The following DNAJC15 variants were observed in gnomAD, a reference collection of about 807,000 sequenced individuals.
DNAJC15 encodes the protein DnaJ heat shock protein family (Hsp40) member C15.
Under a neutral mutation model 22.4 loss-of-function variants are expected in DNAJC15, and 27 were observed. That is an observed-to-expected ratio of 1.20 (90% CI 0.89 to 1.66). The LOEUF is 1.66. Among genes scored for constraint, DNAJC15 ranks in the 40% most tolerant of loss-of-function variants. The probability of loss-of-function intolerance (pLI) is 0.00; values close to 1 mark genes in which losing one functional copy is unlikely to be tolerated. For synonymous variants in DNAJC15, 79 were observed against 63.2 expected (o/e 1.25, Z -1.19); for missense variants, 208 against 187.1 (o/e 1.11, Z -0.65).
chr13:43,060,115 T>C (rs2040551430), intron 1 of DNAJC15, among the ~76,000 whole-genome samples: 1 of 152,144 alleles, frequency 6.6e-6, no homozygotes, highest in Non-Finnish European at 1.5e-5. Context: ...TGTCTTCTTA[T>C]ATTAATAAGA....
At chr13:43,103,146 C>T (rs58179527) in intron 5 of DNAJC15, among the ~76,000 whole-genome samples, 8,867 of 152,134 alleles carry the variant, frequency 0.058, 759 homozygotes, top group African/African-American at 0.18. Flanking sequence ...TCTTCCTTGA[C>T]GCATGAGTTA....
chr13:43,079,459 C>A (rs1165292203), intron 4 of DNAJC15, among the ~76,000 whole-genome samples: 2 of 151,882 alleles, frequency 1.3e-5, no homozygotes, highest in South Asian at 2.1e-4. Flanking sequence ...GCAGAAAAAA[C>A]AAGAGTTGGG....
rs2040816504 is a variant in DNAJC15, at chr13:43,109,872, TAAA to T, written c.*2628_*2630del. 6.6e-6 allele frequency: 1 copy of T among 152,098 alleles called. No individual in the cohort carries two copies. Among genetic ancestry groups the T allele is most frequent in the Non-Finnish European group, 1.5e-5 (1 of 68,004 alleles). 9.4% of individuals were successfully genotyped at this position (152,098 alleles called of 1,614,324 possible). A position where few individuals can be genotyped will look rare whatever the true frequency, so the allele number is the denominator to read the frequency against. On this transcript the variant is annotated 3_prime_UTR_variant, in exon 6 of 6. Coordinates refer to ENST00000379221, the MANE Select transcript of DNAJC15 (RefSeq NM_013238.3). ...CTTAAAGTATAATAAAAAGAAATTT[TAAA>T]AAATCCTGTCAAATAAGGTTATAGT...
intron 5 of DNAJC15, among the ~76,000 whole-genome samples, chr13:43,106,591 CATT>C (rs1290552315): frequency 1.3e-5 from 2 of 151,988 alleles, no homozygotes; most frequent in African/African-American, 2.4e-5. Context: ...AATTTTTTGA[CATT>C]ATTTTTATCT....
intron 1 of DNAJC15, among the ~76,000 whole-genome samples, chr13:43,031,476 G>A (rs562280112): frequency 4.6e-5 from 7 of 152,322 alleles, no homozygotes; most frequent in African/African-American, 1.7e-4. Context: ...CCTCAGCAGC[G>A]GAGATCCTGT....
chr13:43,099,881 T>C (rs1405824067), intron 5 of DNAJC15, among the ~76,000 whole-genome samples: 3 of 152,148 alleles, frequency 2.0e-5, no homozygotes, highest in Non-Finnish European at 4.4e-5. Context: ...ATAAGATATA[T>C]TGATCAGTAG....
chr13:43,046,198 C>T (rs1186360658), intron 1 of DNAJC15, among the ~76,000 whole-genome samples: 1 of 150,810 alleles, frequency 6.6e-6, no homozygotes, highest in Non-Finnish European at 1.5e-5. Context: ...GACATAAGGT[C>T]CTAACTTTAT....
intron 1 of DNAJC15, among the ~76,000 whole-genome samples, chr13:43,040,285 C>G (rs777448364): frequency 2.6e-5 from 4 of 152,174 alleles, no homozygotes; most frequent in Middle Eastern, 3.2e-3. Flanking sequence ...CTAACAAATT[C>G]GTTTCAAATG....
chr13:43,057,054 A>G (rs914896147), intron 1 of DNAJC15, among the ~76,000 whole-genome samples: 2 of 152,170 alleles, frequency 1.3e-5, no homozygotes, highest in Non-Finnish European at 2.9e-5. Flanking sequence ...TCTTTCCTTC[A>G]TCTTGACTTT....
chr13:43,061,122 T>C (rs561876842), intron 1 of DNAJC15, among the ~76,000 whole-genome samples: 20 of 152,222 alleles, frequency 1.3e-4, no homozygotes, highest in African/African-American at 4.8e-4. Flanking sequence ...GGCGGGCTAG[T>C]GGCTTGTAAC....
chr13:43,062,879 C>T (rs1466135586), intron 1 of DNAJC15, among the ~76,000 whole-genome samples: 3 of 151,856 alleles, frequency 2.0e-5, no homozygotes, highest in African/African-American at 4.8e-5. Context: ...CCACCATGCC[C>T]GGCTAATTTT....
At chr13:43,051,647 G>A (rs2040504079) in intron 1 of DNAJC15, among the ~76,000 whole-genome samples, 1 of 132,042 alleles carries the variant, frequency 7.6e-6, no homozygotes, top group Non-Finnish European at 1.6e-5. Context: ...GTGTGTGTGT[G>A]TGTGTGTGTG....
intron 5 of DNAJC15, among the ~76,000 whole-genome samples, chr13:43,089,557 G>GT (rs2040704693): frequency 6.6e-6 from 1 of 152,176 alleles, no homozygotes; most frequent in African/African-American, 2.4e-5. Context: ...CTGAGGGAGT[G>GT]TGCTTAAGGA....
intron 5 of DNAJC15, among the ~76,000 whole-genome samples, chr13:43,086,404 G>A (rs2040688670): frequency 6.6e-6 from 1 of 151,972 alleles, no homozygotes; most frequent in Non-Finnish European, 1.5e-5. Context: ...TATGTTCATT[G>A]CTGTTTCTGC....
At chr13:43,075,673 C>T (rs1057200619) in intron 3 of DNAJC15, among the ~76,000 whole-genome samples, 6 of 152,164 alleles carry the variant, frequency 3.9e-5, no homozygotes, top group South Asian at 2.1e-4. Context: ...CTCTAAGTCC[C>T]TCGTTTTTTG....
At chr13:43,107,079 G>A in intron 5 of DNAJC15, 99 bp from the exon 6 acceptor site, 7 of 927,382 alleles carry the variant, frequency 7.5e-6, no homozygotes, top group Non-Finnish European at 1.1e-5. Context: ...GGATTAATGT[G>A]TGAGACAATA....
At chr13:43,096,595 T>G (rs946101379) in intron 5 of DNAJC15, among the ~76,000 whole-genome samples, 3 of 152,212 alleles carry the variant, frequency 2.0e-5, no homozygotes, top group Non-Finnish European at 4.4e-5. Context: ...CACTAGATAC[T>G]GAAGAAGATA....
intron 4 of DNAJC15, chr13:43,078,896 A>G (rs2040648595): frequency 1.9e-5 from 7 of 372,784 alleles, no homozygotes; most frequent in Non-Finnish European, 2.9e-5. Flanking sequence ...AAAAACAGGC[A>G]AAGTTGTGAA....
At chr13:43,028,265 T>C (rs1278232945) in intron 1 of DNAJC15, among the ~76,000 whole-genome samples, 1 of 152,210 alleles carries the variant, frequency 6.6e-6, no homozygotes, top group African/African-American at 2.4e-5. Context: ...TCCCTGAACA[T>C]GCTGATTCTC....
Sources: gnomAD v4.1 joint callset for allele counts (sites outside exome capture counted in the v4.1 genomes callset) on GRCh38, gnomAD v4.1.1 for gene constraint, MANE v1.5 for transcripts, NCBI Gene and HGNC (gene_info 2026-07-23, HGNC 2026-07-21) for gene names.